The following FSTL5 variants were observed in gnomAD, a reference collection of about 807,000 sequenced individuals.
The protein encoded by FSTL5 is follistatin like 5.
In FSTL5, 62 loss-of-function variants were observed where a neutral mutation model predicts 89.1. That is an observed-to-expected ratio of 0.70 (90% CI 0.57 to 0.86). The LOEUF (loss-of-function observed/expected upper bound fraction) is 0.86. Ranked by LOEUF, FSTL5 falls within the 40% of genes least tolerant of loss-of-function variation. The pLI is 0.00. For synonymous variants in FSTL5, 383 were observed against 346.2 expected, an observed-to-expected ratio of 1.11 and a Z score of -1.18; for missense variants, 1,057 against 1,001.6, an observed-to-expected ratio of 1.06 and a Z score of -0.75.
At chr4:162,109,022 A>C (rs1731336247) in intron 2 of FSTL5, among the ~76,000 whole-genome samples, 1 of 152,052 alleles carries the variant, frequency 6.6e-6, no homozygotes, top group South Asian at 2.1e-4. Context: ...TGTGGATGAA[A>C]ACAAATCAAA....
chr4:161,643,555 G>T (rs1386433359), intron 7 of FSTL5, among the ~76,000 whole-genome samples: 1 of 151,354 alleles, frequency 6.6e-6, no homozygotes, highest in East Asian at 1.9e-4. Context: ...GTATTTAGCT[G>T]AATGCCTAGA....
chr4:161,690,460 G>A (rs1023146245), intron 6 of FSTL5, among the ~76,000 whole-genome samples: 4 of 152,038 alleles, frequency 2.6e-5, no homozygotes, highest in South Asian at 4.2e-4. Flanking sequence ...TCTTCTTTGG[G>A]TAAATTTCTA....
intron 5 of FSTL5, among the ~76,000 whole-genome samples, chr4:161,762,394 T>C (rs770383091): frequency 6.6e-6 from 1 of 152,348 alleles, no homozygotes; most frequent in East Asian, 1.9e-4. Flanking sequence ...AGGGCTCTGA[T>C]AGTTCCTTGC....
chr4:161,758,308 G>T (rs72977176), intron 6 of FSTL5, among the ~76,000 whole-genome samples: 3 of 151,662 alleles, frequency 2.0e-5, no homozygotes, highest in Non-Finnish European at 2.9e-5. Context: ...ACACAAGTAC[G>T]TATTCTACTT....
chr4:161,662,640 T>C (rs978329532), intron 6 of FSTL5, among the ~76,000 whole-genome samples: 2 of 152,162 alleles, frequency 1.3e-5, no homozygotes, highest in African/African-American at 2.4e-5. Flanking sequence ...CAGGGTTCTT[T>C]TGAATCCCAG....
chr4:161,977,639 A>AAAATAAT (rs1553988132), intron 3 of FSTL5, among the ~76,000 whole-genome samples: 17 of 101,222 alleles, frequency 1.7e-4, no homozygotes, highest in South Asian at 3.3e-4. Flanking sequence ...AAAAAAAAAA[A>AAAATAAT]AATAATAATA....
chr4:162,063,275 A>G (rs1738781208), intron 2 of FSTL5, among the ~76,000 whole-genome samples: 1 of 151,792 alleles, frequency 6.6e-6, no homozygotes, highest in Non-Finnish European at 1.5e-5. Flanking sequence ...TTTTTGTTCA[A>G]AAATATACAT....
intron 15 of FSTL5, among the ~76,000 whole-genome samples, chr4:161,433,084 A>C (rs989340223): frequency 3.3e-5 from 5 of 150,098 alleles, no homozygotes; most frequent in African/African-American, 1.2e-4. Context: ...TAAGGCCAGC[A>C]TCATCCTGTT....
At chr4:161,568,530 C>T (rs1342736874) in intron 8 of FSTL5, among the ~76,000 whole-genome samples, 1 of 152,082 alleles carries the variant, frequency 6.6e-6, no homozygotes, top group African/African-American at 2.4e-5. Context: ...TAATGTTATC[C>T]TATTGGGTAA....
chr4:161,705,953 T>C (rs1738555149), intron 6 of FSTL5, among the ~76,000 whole-genome samples: 1 of 27,684 alleles, frequency 3.6e-5, no homozygotes, highest in Non-Finnish European at 6.2e-5. Context: ...TAGATGTGTG[T>C]ATATATATAT....
At position 161,386,537 on chromosome 4, in the gene FSTL5, C is replaced by T. The variant is rs146172881; in HGVS notation, c.1842-88G>A. On this transcript the variant is annotated intron_variant, in intron 15 of 15. Transcript: ENST00000306100. The stretch of plus-strand genomic sequence containing the variant: ...ACTAGATACAGGTGGAAAGGTCCAT[C>T]GCAGGCTCTAATTGTCAGGCGAGGC... The T allele has an allele frequency of 1.6e-4, 139 of 849,296 alleles. No homozygotes were observed. In the African/African-American group the frequency reaches 2.3e-3, roughly 14 times the overall value. 52.6% of individuals were successfully genotyped at this position (849,296 alleles called of 1,614,324 possible). A position where few individuals can be genotyped will look rare whatever the true frequency, so the allele number is the denominator to read the frequency against.
intron 2 of FSTL5, among the ~76,000 whole-genome samples, chr4:162,100,106 A>C (rs1484669059): frequency 1.3e-5 from 2 of 152,222 alleles, no homozygotes; most frequent in Admixed American, 1.3e-4. Context: ...GTCCACAGAA[A>C]AATCTGCATG....
chr4:162,089,656 A>AAAAAAAAAAAG (rs1561012753), intron 2 of FSTL5, among the ~76,000 whole-genome samples: 3 of 136,420 alleles, frequency 2.2e-5, no homozygotes, highest in South Asian at 2.3e-4. Context: ...AAAAAGAAAA[A>AAAAAAAAAAAG]AAAGAAAGAA....
chr4:162,014,893 A>T (rs1226447122), intron 3 of FSTL5, among the ~76,000 whole-genome samples: 2 of 152,176 alleles, frequency 1.3e-5, no homozygotes, highest in Non-Finnish European at 2.9e-5. Flanking sequence ...CAAGAAAATA[A>T]GATAAGTTCT....
chr4:161,776,646 A>G (rs2126804755), intron 4 of FSTL5, among the ~76,000 whole-genome samples: 1 of 151,850 alleles, frequency 6.6e-6, no homozygotes, highest in Admixed American at 6.6e-5. Flanking sequence ...CATTGATGAC[A>G]TTCACACATA....
intron 3 of FSTL5, among the ~76,000 whole-genome samples, chr4:162,000,614 A>AAAC (rs1050828857): frequency 7.9e-5 from 12 of 151,872 alleles, no homozygotes; most frequent in African/African-American, 2.7e-4. Context: ...AAAAAAACAA[A>AAAC]AACAACAACA....
Position 161,929,570 on chromosome 4 carries a change from G to A in FSTL5, c.161-8918C>T, listed in dbSNP as rs541865776. On this transcript the variant is annotated intron_variant, in intron 3 of 15. Coordinates refer to ENST00000306100, the MANE Select transcript of FSTL5 (RefSeq NM_020116.5). ...TTTTGTGGAATGTACATAACTGGAA[G>A]TGACTTTAAATGTTGCCAGTGAACT... 4.6e-5 allele frequency among the ~76,000 whole-genome samples: 7 copies of A among 151,660 alleles called. No individual in the cohort carries two copies. In the South Asian group the frequency reaches 1.5e-3, roughly 32 times the overall value.
chr4:161,762,457 T>C (rs1057477784), intron 5 of FSTL5, among the ~76,000 whole-genome samples: 1 of 152,206 alleles, frequency 6.6e-6, no homozygotes, highest in African/African-American at 2.4e-5. Flanking sequence ...TGTAGACTTC[T>C]CAAAAGGCAC....
intron 4 of FSTL5, among the ~76,000 whole-genome samples, chr4:161,889,947 T>G (rs1732934547): frequency 6.6e-6 from 1 of 152,344 alleles, no homozygotes; most frequent in Non-Finnish European, 1.5e-5. Context: ...AATGTTATAA[T>G]ATTTTGTAAT....
Sources: gnomAD v4.1 joint callset for allele counts (sites outside exome capture counted in the v4.1 genomes callset) on GRCh38, gnomAD v4.1.1 for gene constraint, MANE v1.5 for transcripts, NCBI Gene and HGNC (gene_info 2026-07-23, HGNC 2026-07-21) for gene names.